GLIS3: variants seen among roughly 807,000 people sequenced by gnomAD.
GLIS3 encodes the protein GLIS family zinc finger 3, also known as zinc finger protein GLIS3.
A neutral mutation model predicts 78.6 loss-of-function variants in GLIS3; 53 were observed. The ratio of observed to expected loss-of-function variants is 0.67; its 90% CI spans 0.54 to 0.85. GLIS3 has a LOEUF of 0.85. GLIS3 is among the 40% of genes least tolerant of loss of function. The probability of loss-of-function intolerance (pLI) is 0.00; values close to 1 mark genes in which losing one functional copy is unlikely to be tolerated. For missense variants in GLIS3, 1,703 were observed against 1,231.1 expected (o/e 1.38, Z -5.74); for synonymous variants, 684 against 509.9 (o/e 1.34, Z -4.60).
intron 2 of GLIS3, among the ~76,000 whole-genome samples, chr9:4,193,754 A>G (rs1009438571): frequency 6.6e-6 from 1 of 152,228 alleles, no homozygotes; most frequent in East Asian, 1.9e-4. Flanking sequence ...GTCTGTGCAG[A>G]TGTCTTAGAG....
intron 4 of GLIS3, among the ~76,000 whole-genome samples, chr9:4,084,292 C>T (rs1828824701): frequency 1.1e-5 from 1 of 93,524 alleles, no homozygotes; most frequent in African/African-American, 3.3e-5. Flanking sequence ...CACACACACA[C>T]ACAAATTCCT....
intron 2 of GLIS3, among the ~76,000 whole-genome samples, chr9:4,174,124 G>A (rs1390209157): frequency 1.3e-5 from 2 of 152,054 alleles, no homozygotes; most frequent in Non-Finnish European, 2.9e-5. Context: ...CCTCACTCTA[G>A]GAGAAAAAGC....
At chr9:3,971,690 T>G (rs1818393495) in intron 4 of GLIS3, among the ~76,000 whole-genome samples, 1 of 152,198 alleles carries the variant, frequency 6.6e-6, no homozygotes, top group African/African-American at 2.4e-5. Context: ...ACACCGTAAC[T>G]GCTCTATTTC....
Position 3,856,189 on chromosome 9 carries a change from GAAAAC to G in GLIS3, c.2298-10_2298-6del. 1 of 1,612,706 alleles carries G rather than the reference GAAAAC, an allele frequency of 6.2e-7. No individual in the cohort carries two copies. Among genetic ancestry groups the G allele is most frequent in the South Asian group, 1.1e-5 (1 of 90,894 alleles). On this transcript the variant is annotated splice_polypyrimidine_tract_variant and splice_region_variant and intron_variant, in intron 8 of 10. Transcript: ENST00000381971. ...GATGGAGCAGAAGGTGCAAACCTGA[GAAAAC>G]AATTATAAAAGGAAACATGAGGGAC...
intron 4 of GLIS3, among the ~76,000 whole-genome samples, chr9:3,973,374 C>T (rs1258456888): frequency 1.3e-5 from 2 of 152,122 alleles, no homozygotes; most frequent in Non-Finnish European, 2.9e-5. Flanking sequence ...AGCCTCCACT[C>T]TAAATTATAT....
At chr9:4,188,913 G>C (rs1192633034) in intron 2 of GLIS3, among the ~76,000 whole-genome samples, 1 of 152,064 alleles carries the variant, frequency 6.6e-6, no homozygotes, top group African/African-American at 2.4e-5. Context: ...CTTGCTAGCG[G>C]TCTATCAATT....
At chr9:4,217,236 A>C (rs1820933908) in intron 2 of GLIS3, among the ~76,000 whole-genome samples, 2 of 152,230 alleles carry the variant, frequency 1.3e-5, no homozygotes, top group Non-Finnish European at 2.9e-5. Context: ...GTGTGCTGGG[A>C]AGAACATAGG....
the GLIS3 span, among the ~76,000 whole-genome samples, chr9:4,413,163 G>A: frequency 6.6e-6 from 1 of 152,210 alleles, no homozygotes; most frequent in African/African-American, 2.4e-5. Context: ...GTAAGACATG[G>A]TCTTGAGTTC....
At chr9:4,091,427 T>C (rs1234686427) in intron 4 of GLIS3, among the ~76,000 whole-genome samples, 1 of 152,090 alleles carries the variant, frequency 6.6e-6, no homozygotes, top group Admixed American at 6.5e-5. Context: ...GGTAAGCATT[T>C]TCCATTTATC....
At chr9:4,320,819 G>A (rs1032193767) in intron 2 of GLIS3, among the ~76,000 whole-genome samples, 2 of 152,142 alleles carry the variant, frequency 1.3e-5, no homozygotes, top group Admixed American at 1.3e-4. Flanking sequence ...TATGTCTTAA[G>A]AAGGCTTCCT....
chr9:4,369,339 T>C, the GLIS3 span, among the ~76,000 whole-genome samples: 1 of 152,222 alleles, frequency 6.6e-6, no homozygotes, highest in Non-Finnish European at 1.5e-5. Context: ...GGAATAAAAA[T>C]ATTTAACCTG....
At chr9:4,387,130 C>G in the GLIS3 span, among the ~76,000 whole-genome samples, 1 of 152,178 alleles carries the variant, frequency 6.6e-6, no homozygotes, top group East Asian at 1.9e-4. Context: ...GATACCTACG[C>G]TGTCAGAAAT....
chr9:4,358,899 C>T, the GLIS3 span, among the ~76,000 whole-genome samples: 2 of 152,294 alleles, frequency 1.3e-5, no homozygotes, highest in East Asian at 3.9e-4. Flanking sequence ...CTGCTGCTGC[C>T]TCCACTCTCC....
At chr9:4,397,058 C>A in the GLIS3 span, among the ~76,000 whole-genome samples, 1 of 137,470 alleles carries the variant, frequency 7.3e-6, no homozygotes, top group African/African-American at 2.9e-5. Context: ...AAGAGTCTCG[C>A]TCTGTCTCCC....
At chr9:3,908,997 G>C (rs1006755837) in intron 6 of GLIS3, among the ~76,000 whole-genome samples, 10 of 152,150 alleles carry the variant, frequency 6.6e-5, no homozygotes, top group African/African-American at 2.4e-4. Context: ...TGTTTTCCCT[G>C]TCTCCAATGA....
At chr9:4,415,080 G>C in the GLIS3 span, among the ~76,000 whole-genome samples, 3 of 151,952 alleles carry the variant, frequency 2.0e-5, no homozygotes, top group Non-Finnish European at 4.4e-5. Context: ...GGTTTTCTTT[G>C]ACACTGGTTA....
At chr9:4,322,378 C>T (rs186687168) in intron 2 of GLIS3, among the ~76,000 whole-genome samples, 115 of 152,158 alleles carry the variant, frequency 7.6e-4, no homozygotes, top group Admixed American at 1.8e-3. Context: ...ATTTATAATC[C>T]TTTGGGTATA....
the GLIS3 span, among the ~76,000 whole-genome samples, chr9:4,385,727 G>GAAAGAAAGAA: frequency 2.1e-3 from 86 of 41,034 alleles, 18 homozygotes; most frequent in Middle Eastern, 0.012. Context: ...GAGAGAGAAA[G>GAAAGAAAGAA]AAAGAAAGAA....
chr9:4,458,503 C>T, the GLIS3 span, among the ~76,000 whole-genome samples: 1 of 152,070 alleles, frequency 6.6e-6, no homozygotes, highest in Non-Finnish European at 1.5e-5. Flanking sequence ...TTAAAGGTGG[C>T]CAGGGGCCAG....
Sources: gnomAD v4.1 joint callset for allele counts (sites outside exome capture counted in the v4.1 genomes callset) on GRCh38, gnomAD v4.1.1 for gene constraint, MANE v1.5 for transcripts, NCBI Gene and HGNC (gene_info 2026-07-23, HGNC 2026-07-21) for gene names.